Variants in FBXO34 observed in about 807,000 individuals in gnomAD.
The protein encoded by FBXO34 is F-box protein 34.
A neutral mutation model predicts 24.5 loss-of-function variants in FBXO34; 12 were observed. The ratio of observed to expected loss-of-function variants is 0.49; its 90% confidence interval spans 0.31 to 0.79. FBXO34 has a LOEUF of 0.79. Ranked by LOEUF, FBXO34 falls within the 30% of genes least tolerant of loss-of-function variation. FBXO34 has a pLI of 0.04. For missense variants in FBXO34, 823 were observed against 857.7 expected (o/e 0.96, Z 0.51); for synonymous variants, 320 against 311.9 (o/e 1.03, Z -0.27).
the FBXO34 span, among the ~76,000 whole-genome samples, chr14:55,383,538 G>A: frequency 3.3e-5 from 5 of 151,862 alleles, no homozygotes; most frequent in African/African-American, 7.3e-5. Flanking sequence ...GTGACAAAGC[G>A]AGACTCCATC....
At chr14:55,272,782 G>GAC (rs1881200625) in intron 1 of FBXO34, among the ~76,000 whole-genome samples, 1 of 152,054 alleles carries the variant, frequency 6.6e-6, no homozygotes, top group Non-Finnish European at 1.5e-5. Flanking sequence ...GCAACAAGCT[G>GAC]TTTTCTTGCT....
At chr14:55,395,385 C>G in the FBXO34 span, among the ~76,000 whole-genome samples, 1 of 152,376 alleles carries the variant, frequency 6.6e-6, no homozygotes, top group African/African-American at 2.4e-5. Context: ...GGGAGTCTCA[C>G]TTTATTGCCC....
At chr14:55,298,951 C>A in intron 1 of FBXO34, 1 of 1,587,166 alleles carries the variant, frequency 6.3e-7, no homozygotes, top group Non-Finnish European at 8.7e-7. Context: ...GCAGCCAAGG[C>A]CAAGAAGGCG....
At chr14:55,398,056 TC>T in the FBXO34 span, among the ~76,000 whole-genome samples, 1 of 149,692 alleles carries the variant, frequency 6.7e-6, no homozygotes, top group Non-Finnish European at 1.5e-5. Flanking sequence ...CACGCCATTC[TC>T]CCGCCTCAGC....
the FBXO34 span, among the ~76,000 whole-genome samples, chr14:55,421,475 T>G: frequency 1.3e-5 from 2 of 152,182 alleles, no homozygotes; most frequent in African/African-American, 4.8e-5. Flanking sequence ...TTTTTAATTT[T>G]TTAATTAAGA....
intron 1 of FBXO34, among the ~76,000 whole-genome samples, chr14:55,280,851 G>A (rs1881514888): frequency 6.6e-6 from 1 of 151,974 alleles, no homozygotes; most frequent in Admixed American, 6.6e-5. Flanking sequence ...GAGCATCCAT[G>A]GAGTTTGGTG....
intron 1 of FBXO34, among the ~76,000 whole-genome samples, chr14:55,284,585 G>A (rs1251348960): frequency 4.8e-5 from 7 of 146,730 alleles, no homozygotes; most frequent in Admixed American, 3.4e-4. Context: ...CTAGCCTCTG[G>A]ATTTTGAGTG....
chr14:55,341,938 C>G (rs1379828065), intron 1 of FBXO34, among the ~76,000 whole-genome samples: 5 of 152,220 alleles, frequency 3.3e-5, no homozygotes, highest in African/African-American at 1.2e-4. Flanking sequence ...CCAGGCCCTT[C>G]TCTTCCCTCC....
At chr14:55,414,175 C>T in the FBXO34 span, 1 of 525,812 alleles carries the variant, frequency 1.9e-6, no homozygotes, top group Non-Finnish European at 3.4e-6. Flanking sequence ...GAAATGTTTA[C>T]TTGTTCAGTT....
In FBXO34 at chr14:55,352,258, G is replaced by A. The variant is rs746919657; in HGVS notation, c.1868G>A (p.Arg623Gln). The A allele has an allele frequency of 5.6e-6, 9 of 1,614,106 alleles. No homozygotes were observed. Among genetic ancestry groups the A allele is most frequent in the East Asian group, 4.5e-5 (2 of 44,880 alleles). ...AGGCCAGCAGATTCTCGCTGGGTTC[G>A]AGATCCACGCTATAGAGAGGATCCT... ...NIRPADSRWV[R>Q]DPRYREDPCK... is the part of the protein sequence containing the mutation. The change falls in exon 2 of 2, where the codon CGA becomes CAA. Residue 623 changes from arginine to glutamine, a missense_variant. Physicochemically the swap from Arg to Gln is conservative, Grantham distance 43. Around this residue, in one of 2 missense-constraint regions of FBXO34, gnomAD observed 130 missense variants for 198.6 expected, o/e 0.65. Transcript: ENST00000313833.
the FBXO34 span, among the ~76,000 whole-genome samples, chr14:55,384,447 A>T: frequency 7.2e-5 from 11 of 152,238 alleles, no homozygotes; most frequent in African/African-American, 2.2e-4. Flanking sequence ...CCTCTCTCCA[A>T]CTGTCCTGCT....
intron 1 of FBXO34, among the ~76,000 whole-genome samples, chr14:55,337,685 C>T (rs184357575): frequency 1.3e-5 from 2 of 152,336 alleles, no homozygotes; most frequent in African/African-American, 4.8e-5. Context: ...CAGGCTAGCA[C>T]AATATCCGAC....
chr14:55,375,465 G>A, the FBXO34 span, among the ~76,000 whole-genome samples: 28 of 150,130 alleles, frequency 1.9e-4, no homozygotes, highest in African/African-American at 6.1e-4. Context: ...TGGGACTACA[G>A]GCATGCATTA....
At chr14:55,284,294 A>C (rs1337670812) in intron 1 of FBXO34, among the ~76,000 whole-genome samples, 1 of 152,104 alleles carries the variant, frequency 6.6e-6, no homozygotes, top group Admixed American at 6.6e-5. Flanking sequence ...CTCATAGATC[A>C]CCTGAGGTCA....
intron 1 of FBXO34, chr14:55,282,213 T>G: frequency 4.7e-6 from 1 of 212,354 alleles, no homozygotes; most frequent in Admixed American, 4.8e-5. Context: ...CAAGATGATC[T>G]TGATCTCCTT....
the FBXO34 span, among the ~76,000 whole-genome samples, chr14:55,390,574 T>C: frequency 1.3e-5 from 2 of 151,990 alleles, no homozygotes; most frequent in East Asian, 1.9e-4. Context: ...AGTTTCACCA[T>C]GTTAGTCAGG....
intron 1 of FBXO34, among the ~76,000 whole-genome samples, chr14:55,295,387 ATTTTTTT>A (rs3051307): frequency 6.6e-5 from 6 of 91,384 alleles, no homozygotes; most frequent in Middle Eastern, 9.6e-3. Flanking sequence ...ATTCTTTTCT[ATTTTTTT>A]TTTTTTTTTT....
intron 1 of FBXO34, among the ~76,000 whole-genome samples, chr14:55,281,742 A>C (rs1220332294): frequency 6.6e-6 from 1 of 152,202 alleles, no homozygotes; most frequent in Non-Finnish European, 1.5e-5. Context: ...TATATTGAGT[A>C]CTTAGCCACT....
rs1344613059 is a variant in FBXO34, at chr14:55,351,907, C to T, written c.1517C>T (p.Ser506Leu). 6.2e-7 allele frequency: 1 copy of T among 1,614,170 alleles called. No homozygotes were observed. The highest frequency in any genetic ancestry group is 1.1e-5 in the South Asian group (1 of 91,080). ...QLNESTTKES[S>L]EASQLEDAAG... ...AATGAAAGCACAACAAAAGAGTCTT[C>T]AGAGGCCAGCCAGCTTGAAGATGCT... Residue 506 changes from serine to leucine, a missense_variant, in exon 2 of 2, where the codon TCA (serine) becomes TTA (leucine). Physicochemically the swap from Ser to Leu is moderately radical, Grantham distance 145. Around this residue, in one of 2 missense-constraint regions of FBXO34, gnomAD observed 693 missense variants for 659.1 expected, o/e 1.05. Coordinates refer to ENST00000313833, the MANE Select transcript of FBXO34 (RefSeq NM_017943.4).
Sources: allele counts gnomAD v4.1 joint callset (sites outside exome capture counted in the v4.1 genomes callset), GRCh38; gene constraint gnomAD v4.1.1; regional missense constraint gnomAD v4.1.1; transcripts MANE v1.5; gene names NCBI Gene and HGNC (gene_info 2026-07-23, HGNC 2026-07-21).